Variants in EDAR observed in about 807,000 individuals in gnomAD.
The protein encoded by EDAR is tumor necrosis factor receptor superfamily member EDAR.
In EDAR, 38 loss-of-function variants were observed where a neutral mutation model predicts 51.3. That is an observed-to-expected ratio of 0.74 (90% CI 0.57 to 0.97). The LOEUF is 0.97. Ranked by LOEUF, EDAR falls within the 50% of genes least tolerant of loss-of-function variation. The pLI is 0.00. For missense variants in EDAR, 528 were observed against 595.0 expected, an observed-to-expected ratio of 0.89 and a Z score of 1.17; for synonymous variants, 227 against 242.1, an observed-to-expected ratio of 0.94 and a Z score of 0.58.
chr2:108,982,054 G>A (rs1035851428), intron 1 of EDAR, among the ~76,000 whole-genome samples: 18 of 152,196 alleles, frequency 1.2e-4, no homozygotes, highest in Admixed American at 4.6e-4. Context: ...GATGTTTAAC[G>A]GCTCAGTAAC....
chr2:108,943,914 G>C (rs560820324), intron 1 of EDAR, among the ~76,000 whole-genome samples: 9 of 152,148 alleles, frequency 5.9e-5, no homozygotes, highest in Non-Finnish European at 1.3e-4. Flanking sequence ...CCTCAGTTAC[G>C]TTGCTTCCAA....
chr2:108,974,467 C>T (rs1698288470), intron 1 of EDAR, among the ~76,000 whole-genome samples: 1 of 151,278 alleles, frequency 6.6e-6, no homozygotes, highest in South Asian at 2.1e-4. Flanking sequence ...CATGGTGGCT[C>T]ACGTCTGTAA....
chr2:108,979,467 T>TCTCTCACACA (rs1159379988), intron 1 of EDAR, among the ~76,000 whole-genome samples: 27 of 147,112 alleles, frequency 1.8e-4, no homozygotes, highest in Admixed American at 7.5e-4. Flanking sequence ...TCTCTCTCTC[T>TCTCTCACACA]CACACACACA....
At chr2:108,907,490 T>C (rs260636) in intron 10 of EDAR, among the ~76,000 whole-genome samples, 138,843 of 151,926 alleles carry the variant, frequency 0.91, 63,511 homozygotes, top group East Asian at 1. Context: ...TACTAAAATA[T>C]AAAAAAAATT....
chr2:108,901,073 A>T (rs890506038), intron 11 of EDAR, among the ~76,000 whole-genome samples: 2 of 152,226 alleles, frequency 1.3e-5, no homozygotes, highest in African/African-American at 4.8e-5. Context: ...CCATTCAACA[A>T]CAGCAGAATA....
chr2:108,930,370 G>A (rs1036156448), intron 2 of EDAR, 128 bp from the exon 3 acceptor site: 2 of 988,116 alleles, frequency 2.0e-6, no homozygotes, highest in Non-Finnish European at 3.2e-6. Flanking sequence ...GCTCGGTCTG[G>A]GAAGGTGCCC....
intron 1 of EDAR, among the ~76,000 whole-genome samples, chr2:108,978,952 T>A (rs1238460660): frequency 1.3e-5 from 2 of 152,184 alleles, no homozygotes; most frequent in African/African-American, 4.8e-5. Context: ...AAGGAAACCA[T>A]TAACCCGGGA....
chr2:108,902,112 C>T (rs1212266774), intron 11 of EDAR, among the ~76,000 whole-genome samples: 1 of 151,300 alleles, frequency 6.6e-6, no homozygotes, highest in African/African-American at 2.4e-5. Flanking sequence ...GTGGCATGCA[C>T]ATGTAATCCC....
chr2:108,907,780 A>G, intron 10 of EDAR, 80 bp downstream of exon 10: 1 of 1,545,238 alleles, frequency 6.5e-7, no homozygotes. Flanking sequence ...AGGAGAGCTG[A>G]TTCAATAAGA....
At chr2:108,970,593 C>T (rs1273077967) in intron 1 of EDAR, among the ~76,000 whole-genome samples, 1 of 149,818 alleles carries the variant, frequency 6.7e-6, no homozygotes, top group Non-Finnish European at 1.5e-5. Flanking sequence ...CAGAGAATAA[C>T]CAGGGTGGGG....
intron 10 of EDAR, among the ~76,000 whole-genome samples, chr2:108,907,237 T>C (rs1266946969): frequency 1.3e-5 from 2 of 152,250 alleles, no homozygotes; most frequent in Non-Finnish European, 2.9e-5. Flanking sequence ...ATTGTCTGGT[T>C]AGATAAAACC....
chr2:108,977,878 A>G (rs1698352631), intron 1 of EDAR, among the ~76,000 whole-genome samples: 1 of 152,208 alleles, frequency 6.6e-6, no homozygotes, highest in Admixed American at 6.5e-5. Flanking sequence ...ACCACAAGAC[A>G]TCATATTAAA....
chr2:108,924,967 G>C (rs1255422044), intron 4 of EDAR, among the ~76,000 whole-genome samples: 1 of 152,194 alleles, frequency 6.6e-6, no homozygotes, highest in Non-Finnish European at 1.5e-5. Flanking sequence ...AACATCTCAG[G>C]CTCCTAGGTG....
intron 1 of EDAR, among the ~76,000 whole-genome samples, chr2:108,936,826 G>A (rs958946562): frequency 3.3e-5 from 5 of 152,200 alleles, no homozygotes; most frequent in East Asian, 1.9e-4. Context: ...CTGTTTCACC[G>A]GAGCAGGAGG....
intron 10 of EDAR, 123 bp downstream of exon 10, chr2:108,907,737 T>C: frequency 8.8e-7 from 1 of 1,138,208 alleles, no homozygotes; most frequent in African/African-American, 1.5e-5. Context: ...AGGTCTCCTA[T>C]CTTGGACTTC....
chr2:108,943,551 G>C (rs1168321422), intron 1 of EDAR, among the ~76,000 whole-genome samples: 1 of 152,232 alleles, frequency 6.6e-6, no homozygotes, highest in Non-Finnish European at 1.5e-5. Context: ...GTGGTGACTA[G>C]TCCGAATTAT....
intron 1 of EDAR, among the ~76,000 whole-genome samples, chr2:108,975,664 G>T (rs1286235229): frequency 1.3e-5 from 2 of 152,152 alleles, no homozygotes; most frequent in Non-Finnish European, 2.9e-5. Context: ...GGTGCGGTCT[G>T]GGAGCTAAGG....
At chr2:108,975,094 C>A (rs1158227419) in intron 1 of EDAR, among the ~76,000 whole-genome samples, 1 of 152,200 alleles carries the variant, frequency 6.6e-6, no homozygotes. Flanking sequence ...CCCCAAGTGC[C>A]ACCTGGGGCG....
intron 1 of EDAR, chr2:108,940,120 T>C (rs2105470115): frequency 6.6e-6 from 1 of 152,380 alleles, no homozygotes; most frequent in Non-Finnish European, 1.5e-5. Flanking sequence ...ATGAACCATT[T>C]ATTGGCACCA....
Sources: gnomAD v4.1 joint callset for allele counts (sites outside exome capture counted in the v4.1 genomes callset) on GRCh38, gnomAD v4.1.1 for gene constraint, MANE v1.5 for transcripts, NCBI Gene and HGNC (gene_info 2026-07-23, HGNC 2026-07-21) for gene names.